The following PRDM6 variants were observed in gnomAD, a reference collection of about 807,000 sequenced individuals.
PRDM6 encodes putative histone-lysine N-methyltransferase PRDM6.
In PRDM6, 25 loss-of-function variants were observed where a neutral mutation model predicts 60.8. The ratio of observed to expected loss-of-function variants is 0.41; its 90% CI spans 0.30 to 0.57. The LOEUF is 0.57. PRDM6 is among the 20% of genes least tolerant of loss of function. The probability of loss-of-function intolerance (pLI) is 0.27; values close to 1 mark genes in which losing one functional copy is unlikely to be tolerated. For synonymous variants in PRDM6, 407 were observed against 357.4 expected, an observed-to-expected ratio of 1.14 and a Z score of -1.57; for missense variants, 839 against 821.3, an observed-to-expected ratio of 1.02 and a Z score of -0.26.
chr5:123,089,295 C>T lies in PRDM6; in HGVS notation c.-240C>T, dbSNP rs1334473371. 1 of 152,888 alleles carries T rather than the reference C, an allele frequency of 6.5e-6. No individual in the cohort carries two copies. Among genetic ancestry groups the T allele is most frequent in the African/African-American group, 2.4e-5 (1 of 41,432 alleles). 9.5% of individuals were successfully genotyped at this position (152,888 alleles called of 1,614,324 possible). A position where few individuals can be genotyped will look rare whatever the true frequency, so the allele number is the denominator to read the frequency against. ...GCGGCAGCGGCCAAGCGCAGCAGCC[C>T]ACGGCGGTTGAGTCGGGCGCCCAGG... On this transcript the variant is annotated 5_prime_UTR_variant, in exon 1 of 8. Transcript: ENST00000407847.
intron 4 of PRDM6, among the ~76,000 whole-genome samples, chr5:123,158,741 C>G (rs899345111): frequency 6.6e-6 from 1 of 152,160 alleles, no homozygotes; most frequent in African/African-American, 2.4e-5. Context: ...CCCACCAACC[C>G]TACACACTTT....
In PRDM6 at chr5:123,090,323, C is replaced by A; in HGVS notation, c.309C>A (p.Ala103=). 2 of 1,476,792 alleles carry A rather than the reference C, an allele frequency of 1.4e-6. No homozygotes were observed. Among genetic ancestry groups the A allele is most frequent in the Non-Finnish European group, 1.8e-6 (2 of 1,115,282 alleles). 91.5% of individuals were successfully genotyped at this position (1,476,792 alleles called of 1,614,324 possible). Residue 103 remains alanine, a synonymous_variant, in exon 2 of 8, where the codon GCC becomes GCA. Transcript: ENST00000407847. ...CCTGCGCTGCTGCGGCCGCTGCCGC[C>A]GCGCTGGCTGGTCTCTCGGCCCTGC... ...ASSCAAAAAA[A]ALAGLSALPV...
chr5:123,155,425 G>T (rs906867993), intron 3 of PRDM6, among the ~76,000 whole-genome samples: 21 of 151,644 alleles, frequency 1.4e-4, no homozygotes, highest in African/African-American at 5.1e-4. Flanking sequence ...ACTGCCTTCT[G>T]CTGGGTGTCG....
At position 123,178,056 on chromosome 5, in the gene PRDM6, A is replaced by G. The variant is rs185853444; in HGVS notation, c.1497-2091A>G. Reference sequence around the variant, plus strand: ...TGCCTTCCATTGGCGTTACTTTGATATAAGAATTCAACATAAGCCTCTCTG... The same window carrying G: ...TGCCTTCCATTGGCGTTACTTTGATGTAAGAATTCAACATAAGCCTCTCTG... On this transcript the variant is annotated intron_variant, in intron 6 of 7. Coordinates refer to ENST00000407847, the MANE Select transcript of PRDM6 (RefSeq NM_001136239.4). 2.0e-3 allele frequency among the ~76,000 whole-genome samples: 298 copies of G among 152,312 alleles called. 2 individuals carry two copies. Among genetic ancestry groups the G allele is most frequent in the Non-Finnish European group, 3.2e-3 (215 of 68,020 alleles).
chr5:123,165,648 C>G (rs1159743229), intron 5 of PRDM6, among the ~76,000 whole-genome samples: 1 of 152,172 alleles, frequency 6.6e-6, no homozygotes, highest in Non-Finnish European at 1.5e-5. Flanking sequence ...TAGTCTCCTT[C>G]CAAGATGCCA....
chr5:123,169,682 C>G lies in PRDM6; in HGVS notation c.1154-1084C>G, dbSNP rs557077710. Among the ~76,000 whole-genome samples the G allele has an allele frequency of 6.6e-5, 10 of 152,278 alleles. No homozygotes were observed. The South Asian group carries it at 2.1e-3, about 32-fold the overall frequency. ...TTACATTATACCAGGGACCAAATCACGGATTTAGATGTTCCATACTTGCCC... is the reference window on the plus strand; with the variant it reads ...TTACATTATACCAGGGACCAAATCAGGGATTTAGATGTTCCATACTTGCCC... On this transcript the variant is annotated intron_variant, in intron 5 of 7. Transcript: ENST00000407847.
chr5:123,152,638 T>C (rs1765395220), intron 3 of PRDM6, among the ~76,000 whole-genome samples: 1 of 152,216 alleles, frequency 6.6e-6, no homozygotes, highest in Non-Finnish European at 1.5e-5. Context: ...ATGATTATTG[T>C]TGTTATCATA....
chr5:123,126,506 G>A (rs1488118647), intron 3 of PRDM6, among the ~76,000 whole-genome samples: 1 of 152,000 alleles, frequency 6.6e-6, no homozygotes, highest in African/African-American at 2.4e-5. Flanking sequence ...TCTGGGCTCA[G>A]CTAATTAGTT....
At chr5:123,180,061 T>A (rs1766111504) in intron 6 of PRDM6, 86 bp from the exon 7 acceptor site, 1 of 1,264,370 alleles carries the variant, frequency 7.9e-7, no homozygotes, top group Non-Finnish European at 1.1e-6. Context: ...ATGTCACCAA[T>A]AAGTTTTGGC....
intron 2 of PRDM6, among the ~76,000 whole-genome samples, chr5:123,093,217 G>C (rs970521838): frequency 1.3e-5 from 2 of 152,154 alleles, no homozygotes; most frequent in Non-Finnish European, 2.9e-5. Context: ...TAAAAGGATA[G>C]GTATTGAGTT....
In PRDM6 at chr5:123,189,762, T is replaced by A. The variant is rs1001339368; in HGVS notation, c.*2561T>A. 4.6e-5 allele frequency: 7 copies of A among 152,248 alleles called. No individual in the cohort carries two copies. The highest frequency in any genetic ancestry group is 2.6e-4 in the Admixed American group (4 of 15,288). 9.4% of individuals were successfully genotyped at this position (152,248 alleles called of 1,614,324 possible). ...ATTCACAATTTTTACATTGCTGTCC[T>A]ATTGCCAGCTTCTAGCAGACCAGCC... On this transcript the variant is annotated 3_prime_UTR_variant, in exon 8 of 8. Coordinates refer to ENST00000407847, the MANE Select transcript of PRDM6 (RefSeq NM_001136239.4).
chr5:123,090,649 G>A, intron 2 of PRDM6, 43 bp downstream of exon 2: 1 of 1,443,526 alleles, frequency 6.9e-7, no homozygotes, highest in Non-Finnish European at 9.1e-7. Flanking sequence ...GGGCGCCGGC[G>A]CCGGCGCCGG....
chr5:123,116,724 G>A (rs1210766087), intron 3 of PRDM6, among the ~76,000 whole-genome samples: 4 of 152,092 alleles, frequency 2.6e-5, no homozygotes, highest in African/African-American at 4.8e-5. Flanking sequence ...CTAGAGGGAC[G>A]GTCAGGCTAG....
chr5:123,181,009 G>A (rs1766145279), intron 7 of PRDM6, among the ~76,000 whole-genome samples: 1 of 152,242 alleles, frequency 6.6e-6, no homozygotes, highest in Admixed American at 6.5e-5. Context: ...GCAAGAGAGT[G>A]TGTTTCTACA....
At chr5:123,152,453 T>C (rs1250599918) in intron 3 of PRDM6, among the ~76,000 whole-genome samples, 2 of 152,136 alleles carry the variant, frequency 1.3e-5, no homozygotes, top group South Asian at 2.1e-4. Flanking sequence ...TTTTAAACAT[T>C]GTTCAGGAAA....
At chr5:123,160,934 C>A (rs1441466169) in intron 5 of PRDM6, among the ~76,000 whole-genome samples, 1 of 152,126 alleles carries the variant, frequency 6.6e-6, no homozygotes, top group Non-Finnish European at 1.5e-5. Flanking sequence ...ACATAGAAGC[C>A]ACTGTGCTCT....
chr5:123,172,311 G>A (rs1001338132), intron 6 of PRDM6, among the ~76,000 whole-genome samples: 3 of 152,148 alleles, frequency 2.0e-5, no homozygotes, highest in Non-Finnish European at 2.9e-5. Flanking sequence ...TATTTGTGCT[G>A]TTGGAAAAAC....
At chr5:123,094,462 T>C (rs1763914431) in intron 2 of PRDM6, among the ~76,000 whole-genome samples, 1 of 120,040 alleles carries the variant, frequency 8.3e-6, no homozygotes, top group Non-Finnish European at 2.0e-5. Context: ...CTCTCTCGCG[T>C]GTGTGCAAGC....
chr5:123,128,396 G>A (rs1330630839), intron 3 of PRDM6, among the ~76,000 whole-genome samples: 9 of 152,186 alleles, frequency 5.9e-5, no homozygotes, highest in African/African-American at 2.2e-4. Flanking sequence ...CAGTGTAAAA[G>A]CGTTCCTATT....
Sources: allele counts gnomAD v4.1 joint callset (sites outside exome capture counted in the v4.1 genomes callset), GRCh38; gene constraint gnomAD v4.1.1; transcripts MANE v1.5; gene names NCBI Gene and HGNC (gene_info 2026-07-23, HGNC 2026-07-21).